LRPPRC: variants seen among roughly 807,000 people sequenced by gnomAD.
LRPPRC encodes leucine-rich PPR motif-containing protein, mitochondrial.
LRPPRC carries 120 observed loss-of-function variants against 180.3 expected under a neutral mutation model. That is an observed-to-expected ratio of 0.67 (90% CI 0.57 to 0.77). LRPPRC has a LOEUF of 0.77. LRPPRC is among the 30% of genes least tolerant of loss of function. The pLI is 0.00. For missense variants in LRPPRC, 2,012 were observed against 1,657.2 expected (o/e 1.21, Z -3.72); for synonymous variants, 723 against 600.0 (o/e 1.21, Z -3.00).
intron 37 of LRPPRC, 85 bp downstream of exon 37, chr2:43,889,649 T>A: frequency 2.7e-6 from 3 of 1,109,474 alleles, no homozygotes; most frequent in Non-Finnish European, 4.2e-6. Flanking sequence ...TGTAATTAAG[T>A]CTTCAACTTA....
At chr2:43,976,489 C>T (rs917416991) in intron 5 of LRPPRC, among the ~76,000 whole-genome samples, 1 of 152,006 alleles carries the variant, frequency 6.6e-6, no homozygotes, top group Non-Finnish European at 1.5e-5. Context: ...TTGTCTTACA[C>T]TACTAATTAC....
chr2:43,948,305 G>A, intron 17 of LRPPRC, 106 bp from the exon 18 acceptor site: 1 of 914,952 alleles, frequency 1.1e-6, no homozygotes, highest in Non-Finnish European at 1.8e-6. Context: ...TCCAACTCTT[G>A]CATGTCATTG....
intron 1 of LRPPRC, among the ~76,000 whole-genome samples, chr2:43,990,624 C>T (rs1674732238): frequency 6.6e-6 from 1 of 152,142 alleles, no homozygotes; most frequent in South Asian, 2.1e-4. Flanking sequence ...TTCTGAATAT[C>T]CACTACCATG....
At chr2:43,981,564 G>C (rs1285771690) in intron 2 of LRPPRC, among the ~76,000 whole-genome samples, 1 of 151,902 alleles carries the variant, frequency 6.6e-6, no homozygotes, top group African/African-American at 2.4e-5. Flanking sequence ...GGCTGAGGCA[G>C]GAGAGTTGCT....
At chr2:43,969,249 A>G (rs1158883879) in intron 11 of LRPPRC, among the ~76,000 whole-genome samples, 3 of 152,118 alleles carry the variant, frequency 2.0e-5, no homozygotes, top group Non-Finnish European at 4.4e-5. Flanking sequence ...CGTCTCTACT[A>G]AAAATACAAA....
intron 36 of LRPPRC, chr2:43,890,080 G>GCT (rs1558885370): frequency 1.7e-6 from 1 of 605,008 alleles, no homozygotes; most frequent in Non-Finnish European, 3.0e-6. Flanking sequence ...CACTTTGAAG[G>GCT]AGAAGAAAAT....
At chr2:43,927,026 T>G (rs1671904105) in intron 25 of LRPPRC, among the ~76,000 whole-genome samples, 1 of 152,202 alleles carries the variant, frequency 6.6e-6, no homozygotes, top group Non-Finnish European at 1.5e-5. Flanking sequence ...AGTTTACAAT[T>G]TTGGATACTG....
chr2:43,973,770 G>A, intron 10 of LRPPRC, 25 bp downstream of exon 10: 5 of 1,600,972 alleles, frequency 3.1e-6, no homozygotes, highest in Non-Finnish European at 4.3e-6. Flanking sequence ...TTCCTTACTT[G>A]GCTTTAACTT....
intron 2 of LRPPRC, among the ~76,000 whole-genome samples, chr2:43,981,107 C>T (rs1444597688): frequency 1.3e-5 from 2 of 152,006 alleles, no homozygotes; most frequent in Non-Finnish European, 2.9e-5. Flanking sequence ...CATATGTTTG[C>T]ATGAGGCTTT....
chr2:43,996,044 G>T, upstream of LRPPRC: 1 of 1,302,336 alleles, frequency 7.7e-7, no homozygotes, highest in Non-Finnish European at 1.0e-6. Context: ...ACCAACTGCC[G>T]GGCGTGCCAA....
chr2:43,995,292 T>C (rs1674981834), intron 1 of LRPPRC, among the ~76,000 whole-genome samples: 1 of 152,198 alleles, frequency 6.6e-6, no homozygotes, highest in African/African-American at 2.4e-5. Flanking sequence ...AAAGTGATCA[T>C]AATCCAGCGT....
Position 43,957,415 on chromosome 2 carries a change from A to C in LRPPRC, c.1619T>G (p.Ile540Arg). 6.2e-7 allele frequency: 1 copy of C among 1,613,678 alleles called. No homozygotes were observed. The highest frequency in any genetic ancestry group is 8.5e-7 in the Non-Finnish European group (1 of 1,179,582). ...GAAGCCTAGCAGTAGGCTACTTCTTATAGACTGCAGCGAGATGGGCAATGT... is the reference window on the plus strand; with the variant it reads ...GAAGCCTAGCAGTAGGCTACTTCTTCTAGACTGCAGCGAGATGGGCAATGT... The part of the protein sequence containing the change: ...SNTLPISLQS[I>R]RSSLLLGFRR... Residue 540 changes from isoleucine to arginine, a missense_variant, in exon 14 of 38, where the codon ATA (isoleucine) becomes AGA (arginine). Physicochemically the swap from Ile to Arg is moderately conservative, Grantham distance 97. Transcript: ENST00000260665.
intron 1 of LRPPRC, among the ~76,000 whole-genome samples, chr2:43,985,036 G>A (rs1295063200): frequency 6.8e-6 from 1 of 146,642 alleles, no homozygotes; most frequent in Non-Finnish European, 1.5e-5. Context: ...AATAGAAAAC[G>A]ATCTTATAGT....
At chr2:43,978,327 A>C (rs1315980539) in intron 3 of LRPPRC, among the ~76,000 whole-genome samples, 1 of 152,186 alleles carries the variant, frequency 6.6e-6, no homozygotes, top group African/African-American at 2.4e-5. Context: ...GCCATTATAC[A>C]CAAAGCATCA....
In LRPPRC at chr2:43,925,107, A is replaced by C. The variant is rs370791532; in HGVS notation, c.2856T>G (p.Cys952Trp). The change falls in exon 27 of 38, where the codon TGT becomes TGG. Residue 952 changes from cysteine to tryptophan, a missense_variant. Cys to Trp is a radical substitution (Grantham distance 215). Transcript: ENST00000260665. ...GATTGTAGTACATCTGGTCTCTATC[A>C]CATTCAAATAGCTTCTGTGTCAGCT... ...LVELTQKLFE[C>W]DRDQMYYNLL... 2 of 1,603,150 alleles carry C rather than the reference A, an allele frequency of 1.2e-6. No individual in the cohort carries two copies. Among genetic ancestry groups the C allele is most frequent in the Non-Finnish European group, 1.7e-6 (2 of 1,170,096 alleles).
chr2:43,969,896 A>G (rs1011915165), intron 11 of LRPPRC, among the ~76,000 whole-genome samples: 5 of 152,082 alleles, frequency 3.3e-5, no homozygotes, highest in African/African-American at 1.2e-4. Context: ...GGCTAGTCTC[A>G]AAATCCTGGG....
intron 36 of LRPPRC, among the ~76,000 whole-genome samples, chr2:43,893,401 G>A (rs1227449125): frequency 1.3e-5 from 2 of 152,166 alleles, no homozygotes; most frequent in Non-Finnish European, 2.9e-5. Flanking sequence ...AGCTGATGTG[G>A]CAAACTTTAT....
chr2:43,908,875 G>A (rs1425263701), intron 30 of LRPPRC, among the ~76,000 whole-genome samples: 3 of 152,256 alleles, frequency 2.0e-5, no homozygotes, highest in East Asian at 1.9e-4. Context: ...ACCTTATATA[G>A]GAAACTGTAA....
intron 1 of LRPPRC, among the ~76,000 whole-genome samples, chr2:43,991,327 C>T (rs1674770263): frequency 1.3e-5 from 2 of 152,224 alleles, no homozygotes; most frequent in South Asian, 4.2e-4. Flanking sequence ...CAATAGTACC[C>T]AGCCGGACCC....
Sources: gnomAD v4.1 joint callset for allele counts (sites outside exome capture counted in the v4.1 genomes callset) on GRCh38, gnomAD v4.1.1 for gene constraint, MANE v1.5 for transcripts, NCBI Gene and HGNC (gene_info 2026-07-23, HGNC 2026-07-21) for gene names.